Variants in TUSC1 observed in about 807,000 individuals in gnomAD.
The protein encoded by TUSC1 is tumor suppressor candidate 1, also known as tumor suppressor candidate gene 1 protein.
Under a neutral mutation model 5.2 loss-of-function variants are expected in TUSC1, and 8 were observed. The ratio of observed to expected loss-of-function variants is 1.54; its 90% CI spans 0.90 to 2.77. The LOEUF is 2.77. Ranked by LOEUF, TUSC1 falls within the 30% of genes most tolerant of loss-of-function variation. The pLI is 0.00. For missense variants in TUSC1, 442 were observed against 324.2 expected (o/e 1.36, Z -2.79); for synonymous variants, 192 against 144.2 (o/e 1.33, Z -2.37).
Position 25,678,114 on chromosome 9 carries a change from C to T in TUSC1, c.199G>A (p.Ala67Thr), listed in dbSNP as rs746736701. Reference sequence around the variant, plus strand: ...GCACGGATGGCCTCCAAGTGGCTCGCCGCCAGGTCGGCAAACCGCTCCTCC... The same window carrying T: ...GCACGGATGGCCTCCAAGTGGCTCGTCGCCAGGTCGGCAAACCGCTCCTCC... ...QLEERFADLA[A>T]SHLEAIRARD... The change falls in exon 1 of 1, where the codon GCG (alanine) becomes ACG (threonine). Residue 67 changes from alanine to threonine, a missense_variant. Physicochemically the swap from Ala to Thr is moderately conservative, Grantham distance 58 (BLOSUM62 0). Transcript: ENST00000358022. 39 of 1,562,494 alleles carry T rather than the reference C, an allele frequency of 2.5e-5. No homozygotes were observed. The highest frequency in any genetic ancestry group is 1.8e-4 in the Admixed American group (10 of 56,194).
Sources: allele counts gnomAD v4.1 joint callset, GRCh38; gene constraint gnomAD v4.1.1; transcripts MANE v1.5; gene names NCBI Gene and HGNC (gene_info 2026-07-23, HGNC 2026-07-21).